Variants in MYO15B observed in about 807,000 individuals in gnomAD.
MYO15B encodes the protein myosin XVB pseudogene.
A neutral mutation model predicts 119.3 loss-of-function variants in MYO15B; 207 were observed. The observed-to-expected ratio is 1.73, with a 90% CI of 1.55 to 1.95. The LOEUF (loss-of-function observed/expected upper bound fraction) is 1.95, where lower values mean the gene tolerates loss of function less well. Ranked by LOEUF, MYO15B falls within the 30% of genes most tolerant of loss-of-function variation. The probability of loss-of-function intolerance (pLI) is 0.00; values close to 1 mark genes in which losing one functional copy is unlikely to be tolerated. For missense variants in MYO15B, 2,264 were observed against 1,203.1 expected (o/e 1.88, Z -13.04); for synonymous variants, 966 against 498.9 (o/e 1.94, Z -12.48).
chr17:75,617,677 A>C, intron 41 of MYO15B, 133 bp from the exon 42 acceptor site: 3 of 601,514 alleles, frequency 5.0e-6, no homozygotes, highest in Non-Finnish European at 9.0e-6. Flanking sequence ...CCATGGAAGG[A>C]GTAAGGCAGC....
In MYO15B at chr17:75,623,765, C is replaced by CT. The variant is rs763667184; in HGVS notation, c.8083-14dup. 2.3e-5 allele frequency: 16 copies of CT among 703,058 alleles called. No individual in the cohort carries two copies. Among genetic ancestry groups the CT allele is most frequent in the Non-Finnish European group, 3.9e-5 (15 of 385,046 alleles). 43.6% of individuals were successfully genotyped at this position (703,058 alleles called of 1,614,324 possible). A position where few individuals can be genotyped will look rare whatever the true frequency, so the allele number is the denominator to read the frequency against. ...GCTGCCATCCCTCACCCCACCTGCC[C>CT]TTCCTGTCCCCACAGCTGTGCCAGC... is the stretch of plus-strand genomic sequence containing the variant. On this transcript the variant is annotated splice_polypyrimidine_tract_variant and intron_variant, in intron 53 of 63. Coordinates refer to ENST00000645453, the Ensembl canonical transcript of MYO15B.
At chr17:75,591,913 C>T (rs897531722) in intron 5 of MYO15B, 64 bp from the exon 6 acceptor site, 2 of 687,604 alleles carry the variant, frequency 2.9e-6, no homozygotes, top group African/African-American at 3.5e-5. Context: ...CTGCCCCTAG[C>T]TGGGATGCCT....
chr17:75,606,663 G>T (rs1177414093), intron 21 of MYO15B, among the ~76,000 whole-genome samples: 1 of 151,738 alleles, frequency 6.6e-6, no homozygotes, highest in African/African-American at 2.4e-5. Flanking sequence ...AGTAGAGACG[G>T]GGTTTCTCCA....
At chr17:75,607,538 C>T (rs1173427000) in intron 21 of MYO15B, among the ~76,000 whole-genome samples, 2 of 151,734 alleles carry the variant, frequency 1.3e-5, no homozygotes, top group African/African-American at 2.4e-5. Context: ...GCAACCTCTG[C>T]CTGCCAGGTT....
chr17:75,613,598 C>T (rs2058166540), intron 28 of MYO15B, 107 bp from the exon 29 acceptor site: 2 of 648,274 alleles, frequency 3.1e-6, no homozygotes, highest in Middle Eastern at 2.4e-4. Flanking sequence ...CCTGATCCCC[C>T]TCCCCTCTGT....
At chr17:75,612,429 T>C (rs1302960239) in intron 25 of MYO15B, among the ~76,000 whole-genome samples, 1 of 152,154 alleles carries the variant, frequency 6.6e-6, no homozygotes, top group African/African-American at 2.4e-5. Context: ...CCCAGCACTT[T>C]TGGGAGGCCG....
chr17:75,624,818 G>C (rs1442802884), exon 59 of MYO15B: 1 of 702,876 alleles, frequency 1.4e-6, no homozygotes, highest in Non-Finnish European at 2.6e-6. Flanking sequence ...CAACAGCGTG[G>C]TAGTGGACCA....
chr17:75,596,601 C>G, intron 13 of MYO15B, 46 bp downstream of exon 13: 1 of 700,764 alleles, frequency 1.4e-6, no homozygotes, highest in South Asian at 1.5e-5. Flanking sequence ...TCAGGCATTG[C>G]CCAGGCAGAG....
intron 49 of MYO15B, 141 bp from the exon 50 acceptor site, chr17:75,620,890 A>G (rs1390422832): frequency 2.8e-6 from 2 of 702,064 alleles, no homozygotes; most frequent in African/African-American, 1.7e-5. Flanking sequence ...GCCCCAGCAG[A>G]TGCTTAATAA....
chr17:75,618,100 C>A (rs1386084919), intron 42 of MYO15B, 26 bp from the exon 43 acceptor site: 2 of 703,080 alleles, frequency 2.8e-6, no homozygotes, highest in Admixed American at 2.0e-5. Context: ...ACCCACCGAT[C>A]TTTGCCCTTC....
exon 21 of MYO15B, chr17:75,605,978 G>A (rs1384273885): frequency 1.1e-5 from 8 of 702,286 alleles, no homozygotes; most frequent in South Asian, 3.0e-5. Flanking sequence ...CCGCCAGCGC[G>A]TCCTGCCCCG....
At chr17:75,592,275 C>T (rs774796325) in exon 7 of MYO15B, 16 of 702,796 alleles carry the variant, frequency 2.3e-5, no homozygotes, top group South Asian at 1.8e-4. Context: ...TCATTATCTA[C>T]TTGAGACCTC....
chr17:75,612,545 G>A (rs1406867840), intron 25 of MYO15B, among the ~76,000 whole-genome samples: 1 of 152,010 alleles, frequency 6.6e-6, no homozygotes, highest in Non-Finnish European at 1.5e-5. Flanking sequence ...TGCGCCTGTA[G>A]TCCCAGCTAC....
At chr17:75,625,970 G>A (rs1230681451) in exon 62 of MYO15B, 2 of 701,942 alleles carry the variant, frequency 2.8e-6, no homozygotes, top group Admixed American at 4.0e-5. Context: ...ATGGACCCCA[G>A]CTCCCAGGTG....
intron 3 of MYO15B, 29 bp downstream of exon 3, chr17:75,591,045 G>T: frequency 1.5e-6 from 1 of 657,794 alleles, no homozygotes; most frequent in Non-Finnish European, 2.8e-6. Context: ...CTGACCCTCT[G>T]CTCACCTCCC....
In MYO15B at chr17:75,589,322, A is replaced by AG. The variant is rs1344825734; in HGVS notation, c.1269dup (p.Arg424AlafsTer8). 1 of 310,408 alleles carries AG rather than the reference A, an allele frequency of 3.2e-6. No individual in the cohort carries two copies. Among genetic ancestry groups the AG allele is most frequent in the Admixed American group, 5.7e-5 (1 of 17,406 alleles). 19.2% of individuals were successfully genotyped at this position (310,408 alleles called of 1,614,324 possible). A position where few individuals can be genotyped will look rare whatever the true frequency, so the allele number is the denominator to read the frequency against. ...GGGCGGGGTCATGGGAGAGGAAGCA[A>AG]GGGGCGGGGCCGCGGGAAAGCGGAT... On this transcript the variant is annotated frameshift_variant, in exon 1 of 64. Coordinates refer to ENST00000645453, the Ensembl canonical transcript of MYO15B. LOFTEE classifies it high-confidence loss of function. The surrounding 1 kb of genome is among the most constrained non-coding windows in gnomAD (Gnocchi z 4.2).
In MYO15B at chr17:75,589,008, G is replaced by T; in HGVS notation, c.951G>T (p.Glu317Asp). 2.5e-6 allele frequency: 1 copy of T among 397,836 alleles called. No individual in the cohort carries two copies. The highest frequency in any genetic ancestry group is 4.4e-6 in the Non-Finnish European group (1 of 225,514). The allele number at this position is 397,836 out of a possible 1,614,324, so 24.6% of individuals were successfully genotyped here. ...GGCAGGTGCCAGCGGCGGCAGGCGA[G>T]GGCGAAGCGGGAGCCGCAGCAGGAG... Residue 317 changes from glutamate to aspartate, a missense_variant, in exon 1 of 64, where the codon GAG becomes GAT. Glu to Asp is a conservative substitution (Grantham distance 45). Transcript: ENST00000645453. The surrounding 1 kb of genome is among the most constrained non-coding windows in gnomAD (Gnocchi z 4.2).
chr17:75,626,506 G>A (rs367675144), exon 64 of MYO15B: 4 of 702,954 alleles, frequency 5.7e-6, no homozygotes, highest in East Asian at 2.7e-5. Flanking sequence ...GCCGGGGAGA[G>A]AAGAGGATGA....
chr17:75,618,391 A>G (rs1403771224), intron 43 of MYO15B, among the ~76,000 whole-genome samples: 2 of 152,216 alleles, frequency 1.3e-5, no homozygotes, highest in Admixed American at 1.3e-4. Context: ...GCGGTGGCTC[A>G]TGCCTGTAAT....
Sources: allele counts gnomAD v4.1 joint callset (sites outside exome capture counted in the v4.1 genomes callset), GRCh38; gene constraint gnomAD v4.1.1; non-coding constraint Gnocchi (gnomAD v3.1); transcripts MANE v1.5; gene names NCBI Gene and HGNC (gene_info 2026-07-23, HGNC 2026-07-21).